The following TMEM144 variants were observed in gnomAD, a reference collection of about 807,000 sequenced individuals.
TMEM144 encodes transmembrane protein 144.
In TMEM144, 39 loss-of-function variants were observed where a neutral mutation model predicts 43.6. That is an observed-to-expected ratio of 0.90 (90% CI 0.69 to 1.17). The LOEUF (loss-of-function observed/expected upper bound fraction) is 1.17. Among genes scored for constraint, TMEM144 ranks in the 50% most tolerant of loss-of-function variants. TMEM144 has a pLI of 0.00. For missense variants in TMEM144, 417 were observed against 411.9 expected, an observed-to-expected ratio of 1.01 and a Z score of -0.11; for synonymous variants, 154 against 133.6, an observed-to-expected ratio of 1.15 and a Z score of -1.06.
chr4:158,217,371 A>G lies in TMEM144; in HGVS notation c.283A>G (p.Ile95Val). 6.2e-7 allele frequency: 1 copy of G among 1,613,296 alleles called. No homozygotes were observed. Among genetic ancestry groups the G allele is most frequent in the Non-Finnish European group, 8.5e-7 (1 of 1,179,478 alleles). Residue 95 changes from isoleucine (I) to valine (V), a missense_variant, in exon 5 of 13, where the codon ATC becomes GTC. Physicochemically the swap from Ile to Val is conservative, Grantham distance 29 (BLOSUM62 3). Coordinates refer to ENST00000296529, the MANE Select transcript of TMEM144 (RefSeq NM_018342.5). ...IIKTIGLGLG[I>V]LIWGSFNALT... ...CAAAACCATTGGTTTAGGCCTTGGA[A>G]TCTTAATCTGGGGATCATTTAATGC...
chr4:158,211,858 G>A (rs1369952985), intron 2 of TMEM144: 4 of 152,098 alleles, frequency 2.6e-5, no homozygotes. Flanking sequence ...ATATTTTGTA[G>A]GTTGTTGTAT....
chr4:158,248,721 T>C lies in TMEM144; in HGVS notation c.954+4372T>C, dbSNP rs111228496. Among the ~76,000 whole-genome samples the C allele has an allele frequency of 5.6e-3, 851 of 152,308 alleles. 11 individuals are homozygous for C. The highest frequency in any genetic ancestry group is 0.02 in the African/African-American group (817 of 41,566). On this transcript the variant is annotated intron_variant, in intron 12 of 12. Coordinates refer to ENST00000296529, the MANE Select transcript of TMEM144 (RefSeq NM_018342.5). ...GCAAACCTGTTATCTGCAGGACTCA[T>C]AGGTACTGTCAGTTATATATCTTAA... is the stretch of plus-strand genomic sequence containing the variant.
chr4:158,243,656 T>C (rs1038356061), intron 11 of TMEM144, among the ~76,000 whole-genome samples: 4 of 152,182 alleles, frequency 2.6e-5, no homozygotes, highest in African/African-American at 9.7e-5. Context: ...TCTTCTCATT[T>C]CCTCTGTCCT....
chr4:158,228,437 G>A (rs1321945586), intron 6 of TMEM144, among the ~76,000 whole-genome samples: 1 of 152,180 alleles, frequency 6.6e-6, no homozygotes, highest in Admixed American at 6.5e-5. Flanking sequence ...ATCAGGCCAC[G>A]CTTCCACTCA....
intron 6 of TMEM144, among the ~76,000 whole-genome samples, chr4:158,223,663 T>C (rs1022474741): frequency 3.3e-5 from 5 of 152,174 alleles, no homozygotes; most frequent in Admixed American, 2.0e-4. Flanking sequence ...ACATGCAGTG[T>C]TTGGTTTTCT....
chr4:158,252,199 G>A (rs918226525), intron 12 of TMEM144, among the ~76,000 whole-genome samples: 1 of 152,154 alleles, frequency 6.6e-6, no homozygotes, highest in Non-Finnish European at 1.5e-5. Context: ...AAGATATTTC[G>A]TTGTTAATTC....
Position 158,223,378 on chromosome 4 carries a change from C to A in TMEM144, c.413+3988C>A, listed in dbSNP as rs1005840652. Among the ~76,000 whole-genome samples the A allele has an allele frequency of 6.6e-5, 10 of 152,282 alleles. No individual in the cohort carries two copies. In the East Asian group the frequency reaches 1.9e-3, roughly 29 times the overall value. ...GGGAGTGATTTGTTGGAGGGTTGTA[C>A]ACCTGTTTGAAGTAAAACAATCAAG... On this transcript the variant is annotated intron_variant, in intron 6 of 12. Transcript: ENST00000296529.
intron 6 of TMEM144, among the ~76,000 whole-genome samples, chr4:158,232,002 G>A (rs539720739): frequency 3.3e-4 from 51 of 152,292 alleles, no homozygotes; most frequent in African/African-American, 1.2e-3. Flanking sequence ...TGTCATATAT[G>A]CTTTGAAAGC....
At chr4:158,235,925 AT>A (rs1735321965) in intron 8 of TMEM144, among the ~76,000 whole-genome samples, 1 of 152,224 alleles carries the variant, frequency 6.6e-6, no homozygotes. Flanking sequence ...AGACAGTTAT[AT>A]AATTCCAGAC....
chr4:158,232,684 T>G (rs944763768), intron 6 of TMEM144, among the ~76,000 whole-genome samples: 2 of 152,200 alleles, frequency 1.3e-5, no homozygotes, highest in Non-Finnish European at 2.9e-5. Context: ...AGCTTATGAG[T>G]TTAGCCTTTA....
At chr4:158,250,081 G>A (rs573186509) in intron 12 of TMEM144, among the ~76,000 whole-genome samples, 1 of 151,542 alleles carries the variant, frequency 6.6e-6, no homozygotes, top group South Asian at 2.1e-4. Context: ...CCTATCTCTG[G>A]TCATCAAACA....
At chr4:158,238,348 C>T (rs995148902) in intron 9 of TMEM144, among the ~76,000 whole-genome samples, 6 of 152,054 alleles carry the variant, frequency 3.9e-5, no homozygotes, top group Admixed American at 6.6e-5. Flanking sequence ...GGGCAAAAGT[C>T]GTGAGGGAAA....
intron 12 of TMEM144, 31 bp downstream of exon 12, chr4:158,244,380 T>C (rs754684233): frequency 2.5e-6 from 4 of 1,583,720 alleles, no homozygotes; most frequent in Non-Finnish European, 2.6e-6. Context: ...ACTTAGAAAA[T>C]GGGAATGGGG....
At chr4:158,221,315 G>T (rs1290264319) in intron 6 of TMEM144, among the ~76,000 whole-genome samples, 1 of 152,110 alleles carries the variant, frequency 6.6e-6, no homozygotes, top group African/African-American at 2.4e-5. Flanking sequence ...CTGCCTGACC[G>T]ACTGCTCCTG....
chr4:158,240,407 C>T lies in TMEM144; in HGVS notation c.791C>T (p.Ala264Val), dbSNP rs762656962. 13 of 1,609,382 alleles carry T rather than the reference C, an allele frequency of 8.1e-6. No homozygotes were observed. The highest frequency in any genetic ancestry group is 1.1e-5 in the Non-Finnish European group (13 of 1,178,446). Residue 264 changes from alanine (A) to valine (V), a missense_variant, in exon 10 of 13, where the codon GCA (alanine) becomes GTA (valine). Physicochemically the swap from Ala to Val is moderately conservative, Grantham distance 64 (BLOSUM62 0). Coordinates refer to ENST00000296529, the MANE Select transcript of TMEM144 (RefSeq NM_018342.5). ...AATAGTCCTAAACTATATCCTGAAG[C>T]AGTCCTACCAGGTAAGAATATGTAC... The part of the protein sequence containing the change: ...MKNSPKLYPE[A>V]VLPGFLSGVL...
intron 9 of TMEM144, among the ~76,000 whole-genome samples, chr4:158,239,350 C>A (rs890636331): frequency 1.3e-5 from 2 of 152,194 alleles, no homozygotes; most frequent in Non-Finnish European, 2.9e-5. Context: ...CAGCCAAGAA[C>A]CTGTAGTGCA....
intron 1 of TMEM144, 132 bp from the exon 2 acceptor site, chr4:158,211,321 T>G (rs1277926546): frequency 6.6e-6 from 1 of 152,238 alleles, no homozygotes; most frequent in African/African-American, 2.4e-5. Context: ...ATAAAATAAT[T>G]TGCCACTCTT....
At chr4:158,215,155 A>C in intron 3 of TMEM144, 36 bp from the exon 4 acceptor site, 1 of 1,612,568 alleles carries the variant, frequency 6.2e-7, no homozygotes, top group South Asian at 1.1e-5. Flanking sequence ...ACTCAATTCA[A>C]TTTGAACCAC....
chr4:158,228,618 G>A (rs759747814), intron 6 of TMEM144, among the ~76,000 whole-genome samples: 6 of 152,108 alleles, frequency 3.9e-5, no homozygotes, highest in East Asian at 1.9e-4. Context: ...ACCCGGGAGC[G>A]CTCTCAGGAT....
Sources: allele counts gnomAD v4.1 joint callset (sites outside exome capture counted in the v4.1 genomes callset), GRCh38; gene constraint gnomAD v4.1.1; transcripts MANE v1.5; gene names NCBI Gene and HGNC (gene_info 2026-07-23, HGNC 2026-07-21).